The following RUNX2 variants were observed in gnomAD, a reference collection of about 807,000 sequenced individuals.
RUNX2 encodes the protein RUNX family transcription factor 2.
In RUNX2, 10 loss-of-function variants were observed where a neutral mutation model predicts 51.7. The observed-to-expected ratio is 0.19, with a 90% CI of 0.12 to 0.33. RUNX2 has a LOEUF of 0.33. Among genes scored for constraint, RUNX2 ranks in the 10% least tolerant of loss-of-function variants. RUNX2 has a pLI of 1.00. For synonymous variants in RUNX2, 276 were observed against 273.6 expected, an observed-to-expected ratio of 1.01 and a Z score of -0.09; for missense variants, 562 against 691.3, an observed-to-expected ratio of 0.81 and a Z score of 2.10.
Position 45,547,726 on chromosome 6 carries a change from A to G in RUNX2, c.*421A>G, listed in dbSNP as rs554335585. 1 of 301,100 alleles carries G rather than the reference A, an allele frequency of 3.3e-6. No homozygotes were observed. Among genetic ancestry groups the G allele is most frequent in the Non-Finnish European group, 6.4e-6 (1 of 156,394 alleles). 18.7% of individuals were successfully genotyped at this position (301,100 alleles called of 1,614,324 possible). A position where few individuals can be genotyped will look rare whatever the true frequency, so the allele number is the denominator to read the frequency against. On this transcript the variant is annotated 3_prime_UTR_variant, in exon 9 of 9. Transcript: ENST00000647337. ...TGAAACTTCACACCCTCACGGTGGCAGCTGTGTATGGACCAGTGCCCTCCG... is the reference window on the plus strand; with the variant it reads ...TGAAACTTCACACCCTCACGGTGGCGGCTGTGTATGGACCAGTGCCCTCCG...
intron 3 of RUNX2, among the ~76,000 whole-genome samples, chr6:45,423,352 G>A (rs1030152726): frequency 1.2e-4 from 18 of 152,076 alleles, no homozygotes; most frequent in Admixed American, 1.2e-3. Flanking sequence ...TCCCGGGGGC[G>A]AGGATCCCCG....
chr6:45,336,641 TCAAA>T (rs1402224926), intron 2 of RUNX2, among the ~76,000 whole-genome samples: 3 of 151,540 alleles, frequency 2.0e-5, no homozygotes, highest in Non-Finnish European at 4.4e-5. Context: ...TCAGACGTAT[TCAAA>T]CAATTTTCTT....
At chr6:45,518,302 T>C (rs901681253) in intron 7 of RUNX2, among the ~76,000 whole-genome samples, 2 of 152,216 alleles carry the variant, frequency 1.3e-5, no homozygotes, top group Non-Finnish European at 2.9e-5. Context: ...GTGTCAAAAA[T>C]TGAATGTTCC....
intron 6 of RUNX2, among the ~76,000 whole-genome samples, chr6:45,506,955 AAC>A: frequency 6.6e-6 from 1 of 150,530 alleles, no homozygotes; most frequent in South Asian, 2.1e-4. Flanking sequence ...CGTGCCTGGC[AAC>A]AGTTTTCTTT....
At chr6:45,405,787 C>CAA (rs200283559) in intron 2 of RUNX2, among the ~76,000 whole-genome samples, 1 of 142,508 alleles carries the variant, frequency 7.0e-6, no homozygotes, top group East Asian at 2.0e-4. Context: ...AAATCCGTCT[C>CAA]AAAAAAAAAA....
chr6:45,520,957 C>A (rs1335243448), intron 7 of RUNX2, among the ~76,000 whole-genome samples: 3 of 152,168 alleles, frequency 2.0e-5, no homozygotes, highest in Admixed American at 6.5e-5. Flanking sequence ...CTCAGTTGAT[C>A]CACCCGCCTC....
In RUNX2 at chr6:45,547,161, C is replaced by G. The variant is rs1239819390; in HGVS notation, c.1422C>G (p.Thr474=). 8.7e-6 allele frequency: 14 copies of G among 1,614,128 alleles called. No individual in the cohort carries two copies. Among genetic ancestry groups the G allele is most frequent in the Non-Finnish European group, 1.1e-5 (13 of 1,180,020 alleles). ...RSPSRMLPPC[T]TTSNGSTLLN... ...CTTCCAGAATGCTTCCGCCATGCAC[C>G]ACCACCTCGAATGGCAGCACGCTAT... The change falls in exon 9 of 9, where the codon ACC becomes ACG. Residue 474 remains threonine (T), a synonymous_variant. Coordinates refer to ENST00000647337, the MANE Select transcript of RUNX2 (RefSeq NM_001024630.4).
intron 2 of RUNX2, among the ~76,000 whole-genome samples, chr6:45,380,121 A>G (rs1797204401): frequency 6.6e-6 from 1 of 152,230 alleles, no homozygotes; most frequent in Non-Finnish European, 1.5e-5. Context: ...TGCTATATAC[A>G]AAGGGCCAAA....
intron 5 of RUNX2, among the ~76,000 whole-genome samples, chr6:45,475,975 A>G (rs1451530763): frequency 6.6e-6 from 1 of 152,212 alleles, no homozygotes; most frequent in Non-Finnish European, 1.5e-5. Flanking sequence ...TATAGGGAAA[A>G]GTAAGAGGTC....
Position 45,501,365 on chromosome 6 carries a change from TATTTC to T in RUNX2, c.859+9259_859+9263del, listed in dbSNP as rs1455542379. Among the ~76,000 whole-genome samples, 5 of 152,380 alleles carry T rather than the reference TATTTC, an allele frequency of 3.3e-5. No homozygotes were observed. In the East Asian group the frequency reaches 9.6e-4, roughly 29 times the overall value. ...AAATGCAGCACTGTACTTTTGCTCTTATTTCATTTCATCATGTTGCTTTCACCTCC... is the reference window on the plus strand; with the variant it reads ...AAATGCAGCACTGTACTTTTGCTCTTATTTCATCATGTTGCTTTCACCTCC... On this transcript the variant is annotated intron_variant, in intron 6 of 8. Transcript: ENST00000647337.
At chr6:45,434,983 A>G (rs139638134) in intron 4 of RUNX2, among the ~76,000 whole-genome samples, 5 of 152,336 alleles carry the variant, frequency 3.3e-5, no homozygotes, top group African/African-American at 1.2e-4. Flanking sequence ...TTTCTTCAAC[A>G]TTGCATACAT....
chr6:45,422,787 G>A lies in RUNX2; in HGVS notation c.253G>A (p.Ala85Thr). Residue 85 changes from alanine to threonine, a missense_variant, in exon 3 of 9, where the codon GCG (alanine) becomes ACG (threonine). Physicochemically the swap from Ala to Thr is moderately conservative, Grantham distance 58 (BLOSUM62 0). Transcript: ENST00000647337. ...GGCTGCGGCGGCGGCGGCGGCTGCG[G>A]CGGCGGCAGCTGCAGTGCCCCGGTT... is the stretch of plus-strand genomic sequence containing the variant. ...AAAAAAAAAA[A>T]AAAAVPRLRP... The A allele has an allele frequency of 6.8e-7, 1 of 1,474,536 alleles. No individual in the cohort carries two copies. Among genetic ancestry groups the A allele is most frequent in the South Asian group, 1.4e-5 (1 of 73,860 alleles). 91.3% of individuals were successfully genotyped at this position (1,474,536 alleles called of 1,614,324 possible). A position where few individuals can be genotyped will look rare whatever the true frequency, so the allele number is the denominator to read the frequency against.
At chr6:45,414,223 C>T (rs1256095899) in intron 2 of RUNX2, among the ~76,000 whole-genome samples, 2 of 151,920 alleles carry the variant, frequency 1.3e-5, no homozygotes, top group Non-Finnish European at 2.9e-5. Flanking sequence ...CTAGAAGCAA[C>T]ATGAATATTC....
At chr6:45,493,736 G>GTA (rs1800556768) in intron 6 of RUNX2, among the ~76,000 whole-genome samples, 2 of 151,480 alleles carry the variant, frequency 1.3e-5, no homozygotes, top group South Asian at 4.2e-4. Context: ...TAGACTGTGT[G>GTA]TGTGTGTGTG....
chr6:45,450,332 G>A (rs1051402470), intron 5 of RUNX2, among the ~76,000 whole-genome samples: 12 of 152,102 alleles, frequency 7.9e-5, no homozygotes, highest in African/African-American at 2.9e-4. Context: ...ATAGCTGACA[G>A]AGCCTTTTTT....
In RUNX2 at chr6:45,328,863, G is replaced by T. The variant is rs919364083; in HGVS notation, c.58+79G>T. Reference sequence around the variant, plus strand: ...GGTATGATTCTTTGATAAACTGCTAGCTTTTCCAAATAGCATATTAAAGAT... The same window carrying T: ...GGTATGATTCTTTGATAAACTGCTATCTTTTCCAAATAGCATATTAAAGAT... On this transcript the variant is annotated intron_variant, in intron 2 of 8. Transcript: ENST00000647337. 9 of 1,435,170 alleles carry T rather than the reference G, an allele frequency of 6.3e-6. No homozygotes were observed. In the African/African-American group the frequency reaches 1.3e-4, roughly 20 times the overall value. 88.9% of individuals were successfully genotyped at this position (1,435,170 alleles called of 1,614,324 possible). A position where few individuals can be genotyped will look rare whatever the true frequency, so the allele number is the denominator to read the frequency against.
At chr6:45,365,893 T>C (rs1416144820) in intron 2 of RUNX2, among the ~76,000 whole-genome samples, 3 of 152,074 alleles carry the variant, frequency 2.0e-5, no homozygotes, top group Non-Finnish European at 4.4e-5. Flanking sequence ...TTATATTTTA[T>C]AATCCTATGG....
chr6:45,506,157 C>T (rs555836570), intron 6 of RUNX2, among the ~76,000 whole-genome samples: 71 of 152,242 alleles, frequency 4.7e-4, no homozygotes, highest in African/African-American at 1.5e-3. Context: ...TGTGCTTTCT[C>T]GGCCCTGGGG....
At chr6:45,531,197 C>T (rs890409007) in intron 7 of RUNX2, among the ~76,000 whole-genome samples, 3 of 152,126 alleles carry the variant, frequency 2.0e-5, no homozygotes, top group Non-Finnish European at 2.9e-5. Flanking sequence ...ATATCAGAAT[C>T]GGACTTTGCT....
Sources: gnomAD v4.1 joint callset for allele counts (sites outside exome capture counted in the v4.1 genomes callset) on GRCh38, gnomAD v4.1.1 for gene constraint, MANE v1.5 for transcripts, NCBI Gene and HGNC (gene_info 2026-07-23, HGNC 2026-07-21) for gene names.